The following RFTN2 variants were observed in gnomAD, a reference collection of about 807,000 sequenced individuals.
The protein encoded by RFTN2 is raftlin family member 2.
A neutral mutation model predicts 52.7 loss-of-function variants in RFTN2; 34 were observed. That is an observed-to-expected ratio of 0.64 (90% CI 0.49 to 0.86). The LOEUF (loss-of-function observed/expected upper bound fraction) is 0.86, where lower values mean the gene tolerates loss of function less well. Among genes scored for constraint, RFTN2 ranks in the 40% least tolerant of loss-of-function variants. The pLI is 0.00. For synonymous variants in RFTN2, 203 were observed against 217.7 expected (o/e 0.93, Z 0.59); for missense variants, 536 against 600.1 (o/e 0.89, Z 1.12).
chr2:197,642,814 T>G (rs867442615), intron 3 of RFTN2, among the ~76,000 whole-genome samples: 1 of 152,158 alleles, frequency 6.6e-6, no homozygotes, highest in Middle Eastern at 3.4e-3. Context: ...ACTCCTGTCT[T>G]TACAAAATAA....
chr2:197,608,162 A>T (rs6719483), intron 7 of RFTN2, among the ~76,000 whole-genome samples: 1 of 152,062 alleles, frequency 6.6e-6, no homozygotes, highest in Admixed American at 6.5e-5. Flanking sequence ...GACTCCACAG[A>T]CTTCCAGTGC....
intron 1 of RFTN2, among the ~76,000 whole-genome samples, chr2:197,674,583 T>A (rs988980907): frequency 6.6e-5 from 10 of 152,230 alleles, no homozygotes; most frequent in South Asian, 6.2e-4. Flanking sequence ...ATAGCTTTTT[T>A]AAAAAGCTGC....
chr2:197,577,952 A>T (rs2087445571), intron 8 of RFTN2, among the ~76,000 whole-genome samples: 1 of 152,132 alleles, frequency 6.6e-6, no homozygotes, highest in Non-Finnish European at 1.5e-5. Flanking sequence ...CCTGGACTTA[A>T]GTGATCTGCC....
rs140220417 is a variant in RFTN2 at position 197,674,667 on chromosome 2, C to A, written c.139+653G>T. ...GCAAAGTATTTGTGAAATCGAGCCA[C>A]CTCGATTCCTTCCACAGAGCTGCCA... On this transcript the variant is annotated intron_variant, in intron 1 of 8. Coordinates refer to ENST00000295049, the MANE Select transcript of RFTN2 (RefSeq NM_144629.3). Among the ~76,000 whole-genome samples the A allele has an allele frequency of 3.6e-4, 55 of 152,266 alleles. 1 individual carries two copies. The highest frequency in any genetic ancestry group is 1.2e-3 in the African/African-American group (50 of 41,572).
chr2:197,617,680 C>CA (rs934093713), intron 6 of RFTN2, 120 bp downstream of exon 6: 9 of 326,854 alleles, frequency 2.8e-5, no homozygotes, highest in Non-Finnish European at 3.6e-5. Flanking sequence ...GGCCCTGACT[C>CA]AAAAAAACAA....
intron 8 of RFTN2, among the ~76,000 whole-genome samples, chr2:197,590,146 C>T (rs966426720): frequency 2.6e-4 from 40 of 152,018 alleles, no homozygotes; most frequent in Non-Finnish European, 5.1e-4. Context: ...TTCAAGTGAT[C>T]CTCCTGCCTC....
chr2:197,653,318 T>C (rs545261020), intron 1 of RFTN2, among the ~76,000 whole-genome samples: 1 of 38,304 alleles, frequency 2.6e-5, no homozygotes, highest in East Asian at 7.9e-4. Flanking sequence ...CTCAGGATAA[T>C]GAGGGGTCTG....
intron 1 of RFTN2, among the ~76,000 whole-genome samples, chr2:197,673,709 T>A (rs2089177015): frequency 6.6e-6 from 1 of 152,230 alleles, no homozygotes; most frequent in African/African-American, 2.4e-5. Context: ...GACTTTTGAA[T>A]AAAGCTGCAG....
At chr2:197,658,495 C>T (rs906924351) in intron 1 of RFTN2, among the ~76,000 whole-genome samples, 19 of 151,776 alleles carry the variant, frequency 1.3e-4, no homozygotes, top group African/African-American at 4.1e-4. Context: ...CCATGTTGCC[C>T]AGGCTGGTCT....
intron 5 of RFTN2, among the ~76,000 whole-genome samples, chr2:197,630,577 T>A (rs769927158): frequency 1.3e-5 from 2 of 152,174 alleles, no homozygotes; most frequent in Non-Finnish European, 2.9e-5. Flanking sequence ...CCAAAGATGA[T>A]TTTTCTGTAC....
At chr2:197,598,259 C>CA (rs2087822633) in intron 7 of RFTN2, among the ~76,000 whole-genome samples, 1 of 152,076 alleles carries the variant, frequency 6.6e-6, no homozygotes, top group Non-Finnish European at 1.5e-5. Context: ...GTTGAGGGTG[C>CA]AGTGAGCTAT....
At chr2:197,574,394 C>T (rs557043888) in intron 8 of RFTN2, among the ~76,000 whole-genome samples, 64 of 152,254 alleles carry the variant, frequency 4.2e-4, no homozygotes, top group African/African-American at 1.4e-3. Flanking sequence ...GGCCTGTAAC[C>T]CCATCATTTT....
At chr2:197,574,924 G>A (rs2087387710) in intron 8 of RFTN2, among the ~76,000 whole-genome samples, 1 of 152,146 alleles carries the variant, frequency 6.6e-6, no homozygotes, top group African/African-American at 2.4e-5. Flanking sequence ...GGAACTGTTA[G>A]GTAGGCATGA....
At chr2:197,585,491 C>T (rs1559338828) in intron 8 of RFTN2, among the ~76,000 whole-genome samples, 2 of 152,212 alleles carry the variant, frequency 1.3e-5, no homozygotes, top group South Asian at 2.1e-4. Context: ...CACTCCAATA[C>T]TTTCACCCTG....
intron 8 of RFTN2, among the ~76,000 whole-genome samples, chr2:197,575,647 C>T (rs188782391): frequency 6.7e-4 from 101 of 151,362 alleles, no homozygotes; most frequent in Non-Finnish European, 1.2e-3. Flanking sequence ...AGCCTGTAGT[C>T]CCAGCTACTC....
intron 1 of RFTN2, among the ~76,000 whole-genome samples, chr2:197,646,906 A>AC (rs1234795395): frequency 1.4e-5 from 2 of 144,210 alleles, no homozygotes; most frequent in Non-Finnish European, 3.1e-5. Flanking sequence ...ACAAAAAAAA[A>AC]AAAAAAAAAA....
intron 1 of RFTN2, among the ~76,000 whole-genome samples, chr2:197,673,122 A>G (rs909491278): frequency 1.3e-5 from 2 of 152,204 alleles, no homozygotes; most frequent in African/African-American, 2.4e-5. Context: ...AGACAGGCTC[A>G]TCATGAGCAC....
rs746144794 is a variant in RFTN2, at chr2:197,624,597, CAAAAAAAAAAAA to C, written c.928+6402_928+6413del. On this transcript the variant is annotated intron_variant, in intron 5 of 8. Coordinates refer to ENST00000295049, the MANE Select transcript of RFTN2 (RefSeq NM_144629.3). ...TGGGCGACAGAGCGAGACTCTGTCT[CAAAAAAAAAAAA>C]AAAAAAAAAAAAGAAAGAGCCAATT... Among the ~76,000 whole-genome samples, 222 of 57,968 alleles carry C rather than the reference CAAAAAAAAAAAA, an allele frequency of 3.8e-3. 5 individuals carry two copies. Among genetic ancestry groups the C allele is most frequent in the South Asian group, 0.033 (41 of 1,254 alleles). The allele number at this position is 57,968 out of a possible 152,430, so 38.0% of individuals were successfully genotyped here. A position where few individuals can be genotyped will look rare whatever the true frequency, so the allele number is the denominator to read the frequency against.
intron 5 of RFTN2, among the ~76,000 whole-genome samples, chr2:197,623,572 A>G (rs887079145): frequency 5.3e-5 from 8 of 152,002 alleles, no homozygotes; most frequent in African/African-American, 1.7e-4. Flanking sequence ...TCCACTTCCC[A>G]GGTTCAACTG....
Sources: allele counts gnomAD v4.1 joint callset (sites outside exome capture counted in the v4.1 genomes callset), GRCh38; gene constraint gnomAD v4.1.1; transcripts MANE v1.5; gene names NCBI Gene and HGNC (gene_info 2026-07-23, HGNC 2026-07-21).